Variants in GABRG1 observed in about 807,000 individuals in gnomAD.
GABRG1 encodes gamma-aminobutyric acid type A receptor subunit gamma1.
GABRG1 carries 49 observed loss-of-function variants against 49.8 expected under a neutral mutation model. That is an observed-to-expected ratio of 0.98 (90% CI 0.78 to 1.25). GABRG1 has a LOEUF of 1.25. Ranked by LOEUF, GABRG1 falls within the 50% of genes most tolerant of loss-of-function variation. The pLI is 0.00. For missense variants in GABRG1, 552 were observed against 552.3 expected, an observed-to-expected ratio of 1.00 and a Z score of 0.01; for synonymous variants, 232 against 185.1, an observed-to-expected ratio of 1.25 and a Z score of -2.06.
In GABRG1 at chr4:46,120,496, G is replaced by A. The variant is rs577038252; in HGVS notation, c.104+3314C>T. Among the ~76,000 whole-genome samples, 15 of 151,636 alleles carry A rather than the reference G, an allele frequency of 9.9e-5. 1 individual carries two copies. The highest frequency in any genetic ancestry group is 3.1e-4 in the African/African-American group (13 of 41,488). On this transcript the variant is annotated intron_variant, in intron 1 of 8. Coordinates refer to ENST00000295452, the MANE Select transcript of GABRG1 (RefSeq NM_173536.4). ...TGTACACAGGGGTTTTATCAATTACGACATTTGCATTTTAGCTTCAAAAAT... is the reference window on the plus strand; with the variant it reads ...TGTACACAGGGGTTTTATCAATTACAACATTTGCATTTTAGCTTCAAAAAT...
At chr4:46,048,825 T>A (rs1577630492) in intron 8 of GABRG1, among the ~76,000 whole-genome samples, 1 of 152,052 alleles carries the variant, frequency 6.6e-6, no homozygotes, top group East Asian at 1.9e-4. Flanking sequence ...AACGGGTGTT[T>A]ATCAATTTAT....
chr4:46,115,577 G>C (rs925467379), intron 1 of GABRG1, among the ~76,000 whole-genome samples: 8 of 150,786 alleles, frequency 5.3e-5, no homozygotes, highest in South Asian at 4.2e-4. Flanking sequence ...CTACAGACCA[G>C]AGCATGAATA....
chr4:46,058,413 A>G (rs747728361), intron 6 of GABRG1, 44 bp from the exon 7 acceptor site: 1 of 1,595,260 alleles, frequency 6.3e-7, no homozygotes, highest in Non-Finnish European at 8.5e-7. Context: ...AATATAAATC[A>G]CAATCCATAT....
intron 1 of GABRG1, among the ~76,000 whole-genome samples, chr4:46,099,510 A>G (rs1279046998): frequency 6.6e-6 from 1 of 151,668 alleles, no homozygotes; most frequent in Non-Finnish European, 1.5e-5. Flanking sequence ...GCATAACCTA[A>G]TGTGTCTTGG....
At chr4:46,065,677 C>A in intron 3 of GABRG1, 93 bp from the exon 4 acceptor site, 2 of 649,764 alleles carry the variant, frequency 3.1e-6, no homozygotes, top group South Asian at 2.0e-5. Context: ...AAAGTTTCTG[C>A]AAGTAACAGT....
intron 3 of GABRG1, 135 bp downstream of exon 3, chr4:46,083,851 C>A (rs559842085): frequency 5.2e-5 from 34 of 656,690 alleles, no homozygotes; most frequent in Non-Finnish European, 9.3e-5. Flanking sequence ...CAATACCTGG[C>A]ACAAAGTAAT....
chr4:46,068,866 A>G (rs1352335874), intron 3 of GABRG1, among the ~76,000 whole-genome samples: 1 of 152,120 alleles, frequency 6.6e-6, no homozygotes, highest in Non-Finnish European at 1.5e-5. Context: ...ACTCAGAACG[A>G]AAATACAAGA....
At chr4:46,087,246 G>A (rs1029827176) in intron 2 of GABRG1, among the ~76,000 whole-genome samples, 19 of 151,510 alleles carry the variant, frequency 1.3e-4, no homozygotes, top group African/African-American at 4.4e-4. Context: ...CAACAAAAAT[G>A]TAATATTATT....
At chr4:46,097,492 C>T (rs1720218953) in intron 1 of GABRG1, 143 bp from the exon 2 acceptor site, 1 of 690,784 alleles carries the variant, frequency 1.4e-6, no homozygotes, top group African/African-American at 1.8e-5. Context: ...TTTAGTAAGA[C>T]CAATACATTT....
rs896359976 is a variant in GABRG1, at chr4:46,040,219, T to A, written c.*769A>T. On this transcript the variant is annotated 3_prime_UTR_variant, in exon 9 of 9. Coordinates refer to ENST00000295452, the MANE Select transcript of GABRG1 (RefSeq NM_173536.4). ...TAATATTTCAGTGTTAACCTCATCA[T>A]ACATTATAAATGCTATGAAGCAGAG... The A allele has an allele frequency of 6.6e-6, 1 of 151,978 alleles. No individual in the cohort carries two copies. Among genetic ancestry groups the A allele is most frequent in the African/African-American group, 2.4e-5 (1 of 41,450 alleles). The allele number at this position is 151,978 out of a possible 1,614,324, so 9.4% of individuals were successfully genotyped here.
intron 1 of GABRG1, among the ~76,000 whole-genome samples, chr4:46,103,090 A>C (rs1266531657): frequency 6.6e-6 from 1 of 151,600 alleles, no homozygotes; most frequent in African/African-American, 2.4e-5. Flanking sequence ...TATTTAGTTC[A>C]TATAAAGGTT....
chr4:46,050,057 T>C (rs1307779834), intron 8 of GABRG1, among the ~76,000 whole-genome samples: 1 of 151,730 alleles, frequency 6.6e-6, no homozygotes, highest in Non-Finnish European at 1.5e-5. Flanking sequence ...AAATGGAAAA[T>C]CCAGAGAAGA....
chr4:46,072,045 C>T (rs1719146984), intron 3 of GABRG1, among the ~76,000 whole-genome samples: 1 of 151,990 alleles, frequency 6.6e-6, no homozygotes. Flanking sequence ...AGTAATAAGC[C>T]TCTTATGCAG....
intron 8 of GABRG1, among the ~76,000 whole-genome samples, chr4:46,050,360 A>C (rs1718168402): frequency 6.6e-6 from 1 of 151,904 alleles, no homozygotes. Context: ...GTAAAACATA[A>C]CTTAAAAGTA....
intron 2 of GABRG1, among the ~76,000 whole-genome samples, chr4:46,087,364 T>C (rs1441193030): frequency 3.3e-5 from 5 of 151,688 alleles, no homozygotes; most frequent in African/African-American, 1.2e-4. Flanking sequence ...GTTTTCATTA[T>C]TGTGTCATGC....
At chr4:46,066,994 G>A (rs1374657186) in intron 3 of GABRG1, among the ~76,000 whole-genome samples, 1 of 151,718 alleles carries the variant, frequency 6.6e-6, no homozygotes, top group African/African-American at 2.4e-5. Flanking sequence ...GTTACTTCTG[G>A]TGGGAGAGAT....
chr4:46,102,050 G>A (rs1451452035), intron 1 of GABRG1, among the ~76,000 whole-genome samples: 2 of 151,668 alleles, frequency 1.3e-5, no homozygotes, highest in Non-Finnish European at 3.0e-5. Flanking sequence ...AATTCGATGT[G>A]AATGCCTACC....
At chr4:46,109,665 T>C (rs1603609) in intron 1 of GABRG1, among the ~76,000 whole-genome samples, 18,865 of 151,138 alleles carry the variant, frequency 0.12, 3,136 homozygotes, top group African/African-American at 0.38. Context: ...ATAAACTTTC[T>C]TCTTAACACT....
intron 2 of GABRG1, among the ~76,000 whole-genome samples, chr4:46,092,421 C>T (rs554991371): frequency 2.0e-5 from 3 of 151,880 alleles, no homozygotes; most frequent in African/African-American, 4.8e-5. Context: ...GCATATTTTA[C>T]TGACTAAAAT....
Sources: gnomAD v4.1 joint callset for allele counts (sites outside exome capture counted in the v4.1 genomes callset) on GRCh38, gnomAD v4.1.1 for gene constraint, MANE v1.5 for transcripts, NCBI Gene and HGNC (gene_info 2026-07-23, HGNC 2026-07-21) for gene names.